The following TAFA1 variants were observed in gnomAD, a reference collection of about 807,000 sequenced individuals.
TAFA1 encodes TAFA chemokine like family member 1, also known as chemokine-like protein TAFA-1.
TAFA1 carries 4 observed loss-of-function variants against 18.5 expected under a neutral mutation model. The ratio of observed to expected loss-of-function variants is 0.22; its 90% CI spans 0.11 to 0.49. The LOEUF is 0.49. Ranked by LOEUF, TAFA1 falls within the 20% of genes least tolerant of loss-of-function variation. TAFA1 has a pLI of 0.98. For synonymous variants in TAFA1, 56 were observed against 55.2 expected (o/e 1.01, Z -0.06); for missense variants, 147 against 169.0 (o/e 0.87, Z 0.72).
chr3:68,349,389 G>A (rs262220), intron 2 of TAFA1, among the ~76,000 whole-genome samples: 55,081 of 151,674 alleles, frequency 0.36, 10,294 homozygotes, highest in South Asian at 0.5. Context: ...AAGGTGTTAC[G>A]GAAATAAAGA....
chr3:68,496,255 T>C (rs975726303), intron 3 of TAFA1, among the ~76,000 whole-genome samples: 1 of 152,160 alleles, frequency 6.6e-6, no homozygotes, highest in Non-Finnish European at 1.5e-5. Flanking sequence ...AGATGCTGTT[T>C]CTAATATTGA....
At chr3:68,048,652 T>G (rs956055653) in intron 2 of TAFA1, among the ~76,000 whole-genome samples, 1 of 151,990 alleles carries the variant, frequency 6.6e-6, no homozygotes, top group East Asian at 1.9e-4. Flanking sequence ...ACTCTCTATC[T>G]CCATTAAATC....
chr3:68,399,780 A>G lies in TAFA1; in HGVS notation c.119-17500A>G, dbSNP rs898868003. On this transcript the variant is annotated intron_variant, in intron 2 of 4. Coordinates refer to ENST00000478136, the MANE Select transcript of TAFA1 (RefSeq NM_213609.4). ...ATGAGGTACATAGTTGGAACACTAAAACTTAATTCTAAATGAAGCAAATAA... is the reference window on the plus strand; with the variant it reads ...ATGAGGTACATAGTTGGAACACTAAGACTTAATTCTAAATGAAGCAAATAA... 2.0e-5 allele frequency among the ~76,000 whole-genome samples: 3 copies of G among 152,180 alleles called. No individual in the cohort carries two copies. In the East Asian group the frequency reaches 5.8e-4, roughly 29 times the overall value.
rs528136341 is a variant in TAFA1, at chr3:68,453,471, A to G, written c.259+36051A>G. ...GGATGCCCCAAATGAGGAGGATGGC[A>G]TATATATGGGCTTGAACCACCAGGT... On this transcript the variant is annotated intron_variant, in intron 3 of 4. Coordinates refer to ENST00000478136, the MANE Select transcript of TAFA1 (RefSeq NM_213609.4). Among the ~76,000 whole-genome samples the G allele has an allele frequency of 1.4e-3, 216 of 152,332 alleles. 3 individuals carry two copies. The South Asian group carries it at 0.028, about 20-fold the overall frequency.
At chr3:68,276,520 G>A (rs1005629937) in intron 2 of TAFA1, among the ~76,000 whole-genome samples, 4 of 152,142 alleles carry the variant, frequency 2.6e-5, no homozygotes, top group Non-Finnish European at 5.9e-5. Context: ...TGTGTGCAAA[G>A]TTTTACCAAG....
At chr3:68,213,089 C>T (rs1274913077) in intron 2 of TAFA1, among the ~76,000 whole-genome samples, 1 of 151,540 alleles carries the variant, frequency 6.6e-6, no homozygotes, top group African/African-American at 2.4e-5. Context: ...ATTAGCTCCT[C>T]TGCACTTCAA....
intron 2 of TAFA1, among the ~76,000 whole-genome samples, chr3:68,025,827 C>T (rs1364540808): frequency 1.3e-5 from 2 of 152,174 alleles, no homozygotes; most frequent in Non-Finnish European, 2.9e-5. Context: ...ATTTCACCCT[C>T]ATCTCAGAAC....
intron 2 of TAFA1, among the ~76,000 whole-genome samples, chr3:68,110,548 A>G (rs1365307855): frequency 1.3e-5 from 2 of 152,142 alleles, no homozygotes; most frequent in African/African-American, 4.8e-5. Context: ...TATTCAAAGA[A>G]TCGTATGTGG....
At chr3:68,319,479 G>A (rs1320798844) in intron 2 of TAFA1, among the ~76,000 whole-genome samples, 2 of 152,140 alleles carry the variant, frequency 1.3e-5, no homozygotes, top group Non-Finnish European at 2.9e-5. Context: ...ACATTACACA[G>A]AGCAATCCTC....
At chr3:68,432,611 A>G (rs2071198043) in intron 3 of TAFA1, among the ~76,000 whole-genome samples, 1 of 152,018 alleles carries the variant, frequency 6.6e-6, no homozygotes, top group Non-Finnish European at 1.5e-5. Flanking sequence ...GAAGCTGGTC[A>G]TGACATAGAA....
chr3:68,135,949 G>C (rs2065602065), intron 2 of TAFA1, among the ~76,000 whole-genome samples: 1 of 152,128 alleles, frequency 6.6e-6, no homozygotes, highest in Non-Finnish European at 1.5e-5. Flanking sequence ...TAATGAACAA[G>C]CCTAAATTTA....
chr3:68,340,347 T>A (rs563478323), intron 2 of TAFA1, among the ~76,000 whole-genome samples: 2 of 152,332 alleles, frequency 1.3e-5, no homozygotes, highest in African/African-American at 4.8e-5. Flanking sequence ...CTACATGAAA[T>A]CCATATAACT....
At chr3:68,284,028 C>G (rs2067951532) in intron 2 of TAFA1, among the ~76,000 whole-genome samples, 1 of 152,222 alleles carries the variant, frequency 6.6e-6, no homozygotes. Context: ...TTATCTGCAG[C>G]TGACCAGGTT....
intron 2 of TAFA1, among the ~76,000 whole-genome samples, chr3:68,099,903 A>T (rs1018403308): frequency 6.6e-6 from 1 of 152,124 alleles, no homozygotes; most frequent in Non-Finnish European, 1.5e-5. Context: ...AGTAACAGAA[A>T]AGCAAATATC....
chr3:68,453,748 T>C (rs1358649507), intron 3 of TAFA1, among the ~76,000 whole-genome samples: 1 of 152,226 alleles, frequency 6.6e-6, no homozygotes, highest in Non-Finnish European at 1.5e-5. Context: ...AATGCTCATT[T>C]TATTCCTGGG....
chr3:68,111,568 A>G (rs1373315622), intron 2 of TAFA1, among the ~76,000 whole-genome samples: 1 of 152,168 alleles, frequency 6.6e-6, no homozygotes, highest in Non-Finnish European at 1.5e-5. Context: ...TACTTACAGC[A>G]TAAACATCAG....
rs1186573364 is a variant in TAFA1, at chr3:68,047,935, A to G, written c.118+41191A>G. ...CCTTCCAGATTATGCGAATGGATGA[A>G]GTTGGCCACATGCTTGTAAGGGATG... On this transcript the variant is annotated intron_variant, in intron 2 of 4. Coordinates refer to ENST00000478136, the MANE Select transcript of TAFA1 (RefSeq NM_213609.4). Among the ~76,000 whole-genome samples, 4 of 152,236 alleles carry G rather than the reference A, an allele frequency of 2.6e-5. No homozygotes were observed. The East Asian group carries it at 7.7e-4, about 29-fold the overall frequency.
chr3:68,382,561 C>G (rs2069993279), intron 2 of TAFA1, among the ~76,000 whole-genome samples: 1 of 152,104 alleles, frequency 6.6e-6, no homozygotes, highest in Admixed American at 6.6e-5. Context: ...GTTCTCTATT[C>G]TGTTCCATTT....
chr3:68,038,546 C>T (rs1192368594), intron 2 of TAFA1, among the ~76,000 whole-genome samples: 1 of 152,042 alleles, frequency 6.6e-6, no homozygotes, highest in Non-Finnish European at 1.5e-5. Context: ...AGCAGGTGCT[C>T]AGTGAATGTC....
Sources: allele counts gnomAD v4.1 joint callset (sites outside exome capture counted in the v4.1 genomes callset), GRCh38; gene constraint gnomAD v4.1.1; transcripts MANE v1.5; gene names NCBI Gene and HGNC (gene_info 2026-07-23, HGNC 2026-07-21).